USP34: variants seen among roughly 807,000 people sequenced by gnomAD.
USP34 encodes ubiquitin carboxyl-terminal hydrolase 34.
Under a neutral mutation model 460.3 loss-of-function variants are expected in USP34, and 70 were observed. The observed-to-expected ratio is 0.15, with a 90% CI of 0.13 to 0.19. The LOEUF is 0.19. Among genes scored for constraint, USP34 ranks in the 10% least tolerant of loss-of-function variants. The pLI, the probability that USP34 is intolerant of heterozygous loss-of-function variation, is 1.00. For synonymous variants in USP34, 1,647 were observed against 1,405.3 expected (o/e 1.17, Z -3.85); for missense variants, 3,985 against 4,236.2 (o/e 0.94, Z 1.65).
rs33954205 is a variant in USP34, at chr2:61,393,429, T to TAAAA, written c.753+1420_753+1423dup. ...CTGGGCAACAGAGCCAGACTCCGTCTAAAAAAAAAAAAAAAAAGGCAACAT... is the reference window on the plus strand; with the variant it reads ...CTGGGCAACAGAGCCAGACTCCGTCTAAAAAAAAAAAAAAAAAAAAAGGCAACAT... On this transcript the variant is annotated intron_variant, in intron 5 of 79. Transcript: ENST00000398571. Among the ~76,000 whole-genome samples, 63 of 129,862 alleles carry TAAAA rather than the reference T, an allele frequency of 4.9e-4. 2 individuals are homozygous for TAAAA. The East Asian group carries it at 0.012, about 24-fold the overall frequency. 85.2% of individuals were successfully genotyped at this position (129,862 alleles called of 152,430 possible).
At chr2:61,241,330 C>T (rs947164372) in intron 53 of USP34, among the ~76,000 whole-genome samples, 5 of 152,200 alleles carry the variant, frequency 3.3e-5, no homozygotes, top group African/African-American at 7.2e-5. Context: ...GCATGAATCA[C>T]CACACCCAGT....
At chr2:61,451,472 G>C (rs1193485261) in intron 1 of USP34, among the ~76,000 whole-genome samples, 4 of 151,464 alleles carry the variant, frequency 2.6e-5, no homozygotes, top group Non-Finnish European at 5.9e-5. Flanking sequence ...ATCATCTGAG[G>C]TTGGCAGCTC....
At chr2:61,379,667 C>T (rs1053698022) in intron 7 of USP34, among the ~76,000 whole-genome samples, 6 of 152,182 alleles carry the variant, frequency 3.9e-5, no homozygotes, top group Admixed American at 3.3e-4. Context: ...AGAATACAGA[C>T]CCAAGAATAC....
intron 67 of USP34, among the ~76,000 whole-genome samples, chr2:61,217,344 T>C (rs1215199964): frequency 6.6e-6 from 1 of 152,214 alleles, no homozygotes; most frequent in Non-Finnish European, 1.5e-5. Context: ...TGTCTCAATT[T>C]TTCTTTTCTC....
chr2:61,225,744 T>C (rs6739427), intron 62 of USP34, among the ~76,000 whole-genome samples: 56,007 of 152,072 alleles, frequency 0.37, 10,316 homozygotes, highest in African/African-American at 0.39. Flanking sequence ...TGTCAACCAA[T>C]CGATACATTT....
At chr2:61,334,975 A>G (rs1691373594) in intron 18 of USP34, among the ~76,000 whole-genome samples, 2 of 152,174 alleles carry the variant, frequency 1.3e-5, no homozygotes, top group Non-Finnish European at 2.9e-5. Context: ...ATCAAATTCC[A>G]AAGAACAAAG....
At chr2:61,451,219 T>TC (rs1695264185) in intron 1 of USP34, among the ~76,000 whole-genome samples, 1 of 16,726 alleles carries the variant, frequency 6.0e-5, no homozygotes, top group Non-Finnish European at 1.1e-4. Context: ...AGGCTTCATC[T>TC]CAAAAAAAAA....
At position 61,347,936 on chromosome 2, in the gene USP34, T is replaced by C. The variant is rs1020852206; in HGVS notation, c.2219A>G (p.Asn740Ser). The change falls in exon 15 of 80, where the codon AAT (asparagine) becomes AGT (serine). Residue 740 changes from asparagine (N) to serine (S), a missense_variant. By Grantham distance (46) the Asn-to-Ser change is conservative. This residue lies in a region of USP34 where 716 missense variants were observed against 626.2 expected (regional missense o/e 1.14). Transcript: ENST00000398571. The stretch of plus-strand genomic sequence containing the variant: ...CTGTGGACCAATAAATTGTCGACAA[T>C]TAAATAATTCATTCCCAATAGTCTC... Reference protein sequence around the residue: ...LGETIGNELFNCRQFIGPQHH... With the variant: ...LGETIGNELFSCRQFIGPQHH... The C allele has an allele frequency of 1.2e-5, 19 of 1,613,934 alleles. No homozygotes were observed. The highest frequency in any genetic ancestry group is 2.7e-5 in the African/African-American group (2 of 74,882).
chr2:61,391,103 AC>A (rs1558566702), intron 5 of USP34, among the ~76,000 whole-genome samples: 1 of 151,814 alleles, frequency 6.6e-6, no homozygotes, highest in Non-Finnish European at 1.5e-5. Flanking sequence ...CAAAAAAAAA[AC>A]GAAAAAATAA....
chr2:61,468,374 G>T (rs1427852604), intron 1 of USP34, among the ~76,000 whole-genome samples: 1 of 152,126 alleles, frequency 6.6e-6, no homozygotes, highest in Non-Finnish European at 1.5e-5. Flanking sequence ...GTAGAGACGG[G>T]GTTTCTCCAT....
At chr2:61,449,620 T>C (rs1695212775) in intron 1 of USP34, among the ~76,000 whole-genome samples, 1 of 151,018 alleles carries the variant, frequency 6.6e-6, no homozygotes, top group African/African-American at 2.4e-5. Context: ...AGGATAGACA[T>C]ACAGATCAAT....
intron 75 of USP34, among the ~76,000 whole-genome samples, chr2:61,197,919 C>T (rs1232853864): frequency 6.6e-6 from 1 of 152,138 alleles, no homozygotes; most frequent in Non-Finnish European, 1.5e-5. Context: ...GCCACCACGC[C>T]CAGCTAGATT....
chr2:61,217,570 T>A (rs2103800227), intron 67 of USP34, among the ~76,000 whole-genome samples: 1 of 152,342 alleles, frequency 6.6e-6, no homozygotes, highest in Middle Eastern at 3.4e-3. Flanking sequence ...GTTTCCCAAC[T>A]GAAGAGTTTA....
At chr2:61,401,261 CTTTT>C (rs1198613016) in intron 3 of USP34, among the ~76,000 whole-genome samples, 1 of 151,036 alleles carries the variant, frequency 6.6e-6, no homozygotes, top group Non-Finnish European at 1.5e-5. Context: ...CTCCTTTCTA[CTTTT>C]TTAAAGATAG....
At chr2:61,429,562 G>C (rs1694607359) in intron 1 of USP34, among the ~76,000 whole-genome samples, 1 of 152,086 alleles carries the variant, frequency 6.6e-6, no homozygotes, top group Non-Finnish European at 1.5e-5. Flanking sequence ...AGGCAGTCGA[G>C]GTTGCAGTGA....
chr2:61,452,210 G>C (rs1312445266), intron 1 of USP34, among the ~76,000 whole-genome samples: 3 of 150,726 alleles, frequency 2.0e-5, no homozygotes, highest in African/African-American at 7.3e-5. Context: ...ACTTAATTGA[G>C]TATCTAATCT....
At chr2:61,411,315 A>G (rs1694031593) in intron 2 of USP34, among the ~76,000 whole-genome samples, 1 of 151,800 alleles carries the variant, frequency 6.6e-6, no homozygotes, top group Non-Finnish European at 1.5e-5. Context: ...CTAGGAGGTC[A>G]AGGTTGCAGT....
intron 1 of USP34, among the ~76,000 whole-genome samples, chr2:61,458,964 G>A (rs1295273959): frequency 1.1e-4 from 17 of 152,174 alleles, no homozygotes; most frequent in Admixed American, 1.1e-3. Context: ...TACTTGGGAG[G>A]CTGAGGCAGG....
intron 27 of USP34, among the ~76,000 whole-genome samples, chr2:61,304,217 A>C (rs971863460): frequency 6.6e-6 from 1 of 152,198 alleles, no homozygotes; most frequent in Non-Finnish European, 1.5e-5. Flanking sequence ...GATTTTTATT[A>C]AATGTCTAAC....
Sources: allele counts gnomAD v4.1 joint callset (sites outside exome capture counted in the v4.1 genomes callset), GRCh38; gene constraint gnomAD v4.1.1; regional missense constraint gnomAD v4.1.1; transcripts MANE v1.5; gene names NCBI Gene and HGNC (gene_info 2026-07-23, HGNC 2026-07-21).